Variants in USP4 observed in about 807,000 individuals in gnomAD.
The protein encoded by USP4 is ubiquitin specific peptidase 4, also known as ubiquitin carboxyl-terminal hydrolase 4.
USP4 carries 72 observed loss-of-function variants against 118.2 expected under a neutral mutation model. The observed-to-expected ratio is 0.61, with a 90% confidence interval of 0.50 to 0.74. USP4 has a LOEUF of 0.74. USP4 is among the 30% of genes least tolerant of loss of function. The pLI is 0.00. For synonymous variants in USP4, 415 were observed against 440.4 expected (o/e 0.94, Z 0.72); for missense variants, 1,037 against 1,185.7 (o/e 0.87, Z 1.84).
chr3:49,324,548 C>T, intron 6 of USP4, 154 bp downstream of exon 6: 1 of 722,476 alleles, frequency 1.4e-6, no homozygotes, highest in East Asian at 2.6e-5. Context: ...TACCAAAAGC[C>T]ACGGTCTTCA....
chr3:49,316,865 G>C (rs2047441915), intron 6 of USP4: 1 of 590,088 alleles, frequency 1.7e-6, no homozygotes, highest in Admixed American at 3.0e-5. Flanking sequence ...AGCTGACCTA[G>C]AGCCCACCCT....
chr3:49,298,695 A>AGGAGAAGCAGGCATCACTAGG, intron 11 of USP4, 60 bp from the exon 12 acceptor site: 4 of 1,448,110 alleles, frequency 2.8e-6, no homozygotes, highest in Non-Finnish European at 2.9e-6. Context: ...GAAATGCATT[A>AGGAGAAGCAGGCATCACTAGG]GGAGAAGCAG....
rs138425775 is a variant in USP4 at position 49,320,423 on chromosome 3, C to T, written c.695+4279G>A. Among the ~76,000 whole-genome samples the T allele has an allele frequency of 1.7e-3, 252 of 150,428 alleles. 2 individuals carry two copies. The highest frequency in any genetic ancestry group is 5.3e-3 in the African/African-American group (216 of 41,022). On this transcript the variant is annotated intron_variant, in intron 6 of 21. Coordinates refer to ENST00000265560, the MANE Select transcript of USP4 (RefSeq NM_003363.4). ...CGCCATTACACTCCAACCTGGGCAA[C>T]AAGAGTGAAACTCCATCTCAAACAA...
chr3:49,323,125 G>A (rs139757763), intron 6 of USP4, among the ~76,000 whole-genome samples: 1 of 151,434 alleles, frequency 6.6e-6, no homozygotes, highest in South Asian at 2.1e-4. Context: ...GCACCACCAC[G>A]CCTGGCTAAT....
At chr3:49,316,872 C>T (rs1320225491) in intron 6 of USP4, 5 of 593,238 alleles carry the variant, frequency 8.4e-6, no homozygotes, top group Non-Finnish European at 1.5e-5. Flanking sequence ...CTAGAGCCCA[C>T]CCTCCCCATA....
chr3:49,289,018 G>C (rs980344632), intron 15 of USP4, among the ~76,000 whole-genome samples: 4 of 152,170 alleles, frequency 2.6e-5, no homozygotes, highest in Admixed American at 2.6e-4. Context: ...GGCTGAGGTG[G>C]GAGGATTGCT....
rs765427428 is a variant in USP4 at position 49,335,518 on chromosome 3, A to G, written c.180T>C (p.Gly60=). 9 of 1,614,108 alleles carry G rather than the reference A, an allele frequency of 5.6e-6. No individual in the cohort carries two copies. The highest frequency in any genetic ancestry group is 8.5e-7 in the Non-Finnish European group (1 of 1,180,050). ...GFDSWDMYNV[G]EHNLFPGPID... is the part of the protein sequence containing the mutation. ...TTGGGCCAGGAAATAGGTTATGTTC[A>G]CCCACATTGTACATGTCCCAGCTGT... is the stretch of plus-strand genomic sequence containing the variant. The change falls in exon 2 of 22, where the codon GGT becomes GGC. Residue 60 remains glycine, a synonymous_variant. Transcript: ENST00000265560.
At chr3:49,296,157 C>T (rs1174781418) in intron 13 of USP4, among the ~76,000 whole-genome samples, 1 of 150,510 alleles carries the variant, frequency 6.6e-6, no homozygotes, top group East Asian at 1.9e-4. Context: ...CAGTGAAACC[C>T]CATCTCTACT....
At chr3:49,296,530 T>C (rs1165158958) in intron 13 of USP4, among the ~76,000 whole-genome samples, 1 of 151,532 alleles carries the variant, frequency 6.6e-6, no homozygotes, top group Non-Finnish European at 1.5e-5. Context: ...GTGCCTGTAG[T>C]CCCAGCTACT....
At chr3:49,325,177 T>G in intron 4 of USP4, 138 bp from the exon 5 acceptor site, 1 of 1,095,328 alleles carries the variant, frequency 9.1e-7, no homozygotes, top group Admixed American at 2.3e-5. Context: ...CCTCTTAAAA[T>G]CAATCATCTC....
intron 8 of USP4, 26 bp from the exon 9 acceptor site, chr3:49,305,914 T>A: frequency 6.2e-7 from 1 of 1,606,552 alleles, no homozygotes; most frequent in Non-Finnish European, 8.5e-7. Context: ...ATGAGGGCTT[T>A]ACACACCTTC....
Position 49,287,300 on chromosome 3 carries a change from G to A in USP4, c.1973-975C>T, listed in dbSNP as rs962040576. Among the ~76,000 whole-genome samples the A allele has an allele frequency of 4.6e-5, 7 of 151,562 alleles. No individual in the cohort carries two copies. In the East Asian group the frequency reaches 1.4e-3, roughly 30 times the overall value. ...CTCCCAAGTAGCTGGGACTACAGGT[G>A]CGTGCTACCACACCCGGCTACTTTT... On this transcript the variant is annotated intron_variant, in intron 15 of 21. Coordinates refer to ENST00000265560, the MANE Select transcript of USP4 (RefSeq NM_003363.4).
intron 15 of USP4, among the ~76,000 whole-genome samples, chr3:49,288,857 C>T (rs548273626): frequency 6.6e-6 from 1 of 152,268 alleles, no homozygotes; most frequent in East Asian, 1.9e-4. Context: ...CGCCTATGAT[C>T]CCAGCACGTT....
chr3:49,283,252 G>A (rs957169884), intron 19 of USP4, among the ~76,000 whole-genome samples: 4 of 151,766 alleles, frequency 2.6e-5, no homozygotes, highest in Admixed American at 2.6e-4. Flanking sequence ...CAGACCTTGT[G>A]ATCTGCCCAC....
At chr3:49,338,195 C>A (rs941522523) in intron 1 of USP4, among the ~76,000 whole-genome samples, 3 of 151,858 alleles carry the variant, frequency 2.0e-5, no homozygotes, top group Non-Finnish European at 4.4e-5. Flanking sequence ...AGGCAGCTTC[C>A]CAGAGGTCAC....
Position 49,311,529 on chromosome 3 carries a change from G to C in USP4, c.821C>G (p.Ser274Cys). The C allele has an allele frequency of 6.2e-7, 1 of 1,613,694 alleles. No individual in the cohort carries two copies. The highest frequency in any genetic ancestry group is 8.5e-7 in the Non-Finnish European group (1 of 1,179,768). ...DSTSTCGMHSSGVSRGGSGFS... is the reference protein window; with the variant it reads ...DSTSTCGMHSCGVSRGGSGFS... Reference sequence around the variant, plus strand: ...CTGCTCTTACCCCCTGCTGACACCGGAACTGTGCATCCCACAGGTGCTAGT... The same window carrying C: ...CTGCTCTTACCCCCTGCTGACACCGCAACTGTGCATCCCACAGGTGCTAGT... The change falls in exon 7 of 22, where the codon TCC (serine) becomes TGC (cysteine). Residue 274 changes from serine to cysteine, a missense_variant. Around this residue, in one of 3 missense-constraint regions of USP4, gnomAD observed 487 missense variants for 534.1 expected, o/e 0.91. Coordinates refer to ENST00000265560, the MANE Select transcript of USP4 (RefSeq NM_003363.4).
At chr3:49,291,877 G>C (rs1198953863) in intron 15 of USP4, among the ~76,000 whole-genome samples, 1 of 151,298 alleles carries the variant, frequency 6.6e-6, no homozygotes, top group Non-Finnish European at 1.5e-5. Flanking sequence ...GCAGTGGCGC[G>C]ATCTTGGCTC....
intron 3 of USP4, among the ~76,000 whole-genome samples, chr3:49,327,204 T>C (rs779687821): frequency 1.6e-4 from 24 of 152,152 alleles, no homozygotes; most frequent in Non-Finnish European, 3.1e-4. Context: ...GATAATATTC[T>C]GGGTGAGCAA....
chr3:49,309,046 A>AG, intron 8 of USP4, among the ~76,000 whole-genome samples: 1 of 151,404 alleles, frequency 6.6e-6, no homozygotes, highest in East Asian at 1.9e-4. Context: ...AAAAAAAAAA[A>AG]AAAAAAAGGA....
Sources: allele counts gnomAD v4.1 joint callset (sites outside exome capture counted in the v4.1 genomes callset), GRCh38; gene constraint gnomAD v4.1.1; regional missense constraint gnomAD v4.1.1; transcripts MANE v1.5; gene names NCBI Gene and HGNC (gene_info 2026-07-23, HGNC 2026-07-21).